SENP6: variants seen among roughly 807,000 people sequenced by gnomAD.
SENP6 encodes SUMO specific peptidase 6, also known as sentrin-specific protease 6.
SENP6 carries 41 observed loss-of-function variants against 134.5 expected under a neutral mutation model. The ratio of observed to expected loss-of-function variants is 0.30; its 90% CI spans 0.24 to 0.40. The LOEUF (loss-of-function observed/expected upper bound fraction) is 0.40. Among genes scored for constraint, SENP6 ranks in the 10% least tolerant of loss-of-function variants. The pLI is 1.00. For synonymous variants in SENP6, 395 were observed against 429.8 expected (o/e 0.92, Z 1.00); for missense variants, 1,248 against 1,312.5 (o/e 0.95, Z 0.76).
chr6:75,673,560 G>A (rs974901826), intron 11 of SENP6, among the ~76,000 whole-genome samples: 9 of 151,436 alleles, frequency 5.9e-5, no homozygotes, highest in Non-Finnish European at 1.2e-4. Context: ...CTGACCTCAG[G>A]TGATCCACCT....
In SENP6 at chr6:75,693,720, A is replaced by G. The variant is rs573250458; in HGVS notation, c.2076-2084A>G. On this transcript the variant is annotated intron_variant, in intron 16 of 23. Transcript: ENST00000447266. Reference sequence around the variant, plus strand: ...GTGATAAAAGTAACAGATCTCAAGAATGTGCCCTCTAGGGGGCCAGATGTT... The same window carrying G: ...GTGATAAAAGTAACAGATCTCAAGAGTGTGCCCTCTAGGGGGCCAGATGTT... Among the ~76,000 whole-genome samples the G allele has an allele frequency of 3.9e-5, 6 of 152,306 alleles. No homozygotes were observed. In the East Asian group the frequency reaches 1.2e-3, roughly 29 times the overall value.
At chr6:75,621,465 G>A in intron 1 of SENP6, 67 bp from the exon 2 acceptor site, 1 of 928,832 alleles carries the variant, frequency 1.1e-6, no homozygotes, top group Admixed American at 2.4e-5. Context: ...CTTGGGAAAT[G>A]CACATATTTG....
In SENP6 at chr6:75,695,930, C is replaced by T. The variant is rs1319810143; in HGVS notation, c.2195+7C>T. 1 of 1,577,264 alleles carries T rather than the reference C, an allele frequency of 6.3e-7. No individual in the cohort carries two copies. The highest frequency in any genetic ancestry group is 8.6e-7 in the Non-Finnish European group (1 of 1,167,684). On this transcript the variant is annotated splice_region_variant and intron_variant, in intron 17 of 23. Transcript: ENST00000447266. ...ATGAAACAACTAATCTGTCGTAAGT[C>T]AAACTCTGAAAATATTTAACAGATG...
chr6:75,660,307 T>G (rs988004608), intron 8 of SENP6, among the ~76,000 whole-genome samples: 1 of 152,244 alleles, frequency 6.6e-6, no homozygotes, highest in Non-Finnish European at 1.5e-5. Flanking sequence ...GTTCTAGATT[T>G]CTTCACTGCA....
chr6:75,634,663 A>G, intron 4 of SENP6, 44 bp from the exon 5 acceptor site: 1 of 1,124,264 alleles, frequency 8.9e-7, no homozygotes, highest in Non-Finnish European at 1.3e-6. Flanking sequence ...ATGTGTATAT[A>G]ATTTTTCCGT....
rs1478269374 is a variant in SENP6, at chr6:75,682,920, A to C, written c.2075+3993A>C. Among the ~76,000 whole-genome samples, 4 of 152,264 alleles carry C rather than the reference A, an allele frequency of 2.6e-5. No homozygotes were observed. In the East Asian group the frequency reaches 7.7e-4, roughly 29 times the overall value. On this transcript the variant is annotated intron_variant, in intron 16 of 23. Coordinates refer to ENST00000447266, the MANE Select transcript of SENP6 (RefSeq NM_015571.4). ...ATTTATAATCCTTTGGGTATATACC[A>C]GGTAATGGGATTGCTGGGTCAAATG...
chr6:75,624,019 C>G, intron 3 of SENP6, 59 bp downstream of exon 3: 2 of 1,339,734 alleles, frequency 1.5e-6, no homozygotes, highest in East Asian at 2.5e-5. Context: ...ATTGTTACCT[C>G]AAAAGATTTA....
At chr6:75,692,185 T>G (rs1362536968) in intron 16 of SENP6, among the ~76,000 whole-genome samples, 2 of 152,172 alleles carry the variant, frequency 1.3e-5, no homozygotes, top group Non-Finnish European at 2.9e-5. Context: ...AAGCTTGGGT[T>G]TTCCCTTTAA....
chr6:75,701,394 A>T (rs961016492), intron 18 of SENP6, among the ~76,000 whole-genome samples: 4 of 152,042 alleles, frequency 2.6e-5, no homozygotes, highest in Non-Finnish European at 4.4e-5. Context: ...GATAGCTGGA[A>T]CTCTCTACTA....
chr6:75,707,110 G>T (rs1775452921), intron 19 of SENP6, among the ~76,000 whole-genome samples: 1 of 152,018 alleles, frequency 6.6e-6, no homozygotes, highest in Non-Finnish European at 1.5e-5. Flanking sequence ...TTTTTCTCCT[G>T]TTTTTGAAAG....
chr6:75,666,809 A>G lies in SENP6; in HGVS notation c.1092A>G (p.Ala364=). The change falls in exon 10 of 24, where the codon GCA becomes GCG. Residue 364 remains alanine (A), a synonymous_variant. Transcript: ENST00000447266. Reference sequence around the variant, plus strand: ...CTGATTCAGCATGTTCTTCCCCTGCACCATCCACTGGAAAAGTAGAAGCAG... The same window carrying G: ...CTGATTCAGCATGTTCTTCCCCTGCGCCATCCACTGGAAAAGTAGAAGCAG... ...QPADSACSSP[A]PSTGKVEAAL... 2 of 1,613,834 alleles carry G rather than the reference A, an allele frequency of 1.2e-6. No homozygotes were observed. The highest frequency in any genetic ancestry group is 1.7e-6 in the Non-Finnish European group (2 of 1,179,718).
intron 16 of SENP6, among the ~76,000 whole-genome samples, chr6:75,685,660 G>A (rs1375545940): frequency 6.6e-6 from 1 of 151,976 alleles, no homozygotes; most frequent in Non-Finnish European, 1.5e-5. Context: ...TTATTTACCC[G>A]TCATTCAGGA....
intron 16 of SENP6, among the ~76,000 whole-genome samples, chr6:75,688,976 G>A (rs895751124): frequency 6.6e-6 from 1 of 152,178 alleles, no homozygotes; most frequent in Non-Finnish European, 1.5e-5. Context: ...TGAGGCAGGA[G>A]AATCACTTGA....
At chr6:75,676,966 CT>C (rs1205192605) in intron 13 of SENP6, 63 bp from the exon 14 acceptor site, 7 of 791,420 alleles carry the variant, frequency 8.8e-6, no homozygotes, top group Non-Finnish European at 1.4e-5. Flanking sequence ...ATAATTACTC[CT>C]TTTAAAAGTA....
intron 1 of SENP6, among the ~76,000 whole-genome samples, chr6:75,619,728 C>T (rs980895631): frequency 6.6e-5 from 10 of 152,134 alleles, no homozygotes; most frequent in African/African-American, 2.4e-4. Flanking sequence ...TGCGTTCCCA[C>T]TAGCAATGCA....
intron 3 of SENP6, among the ~76,000 whole-genome samples, chr6:75,626,671 A>G (rs1768722076): frequency 6.6e-6 from 1 of 152,082 alleles, no homozygotes; most frequent in East Asian, 1.9e-4. Flanking sequence ...TGAAGTTGCT[A>G]TTTCAGAGGT....
rs1772136937 is a variant in SENP6, at chr6:75,665,562, T to C, written c.995-1150T>C. On this transcript the variant is annotated intron_variant, in intron 9 of 23. Coordinates refer to ENST00000447266, the MANE Select transcript of SENP6 (RefSeq NM_015571.4). ...GCTTTGTGGAATTAAGATATAGAGA[T>C]AGATTTGCTACGATTCAGTAATGAG... 2.0e-5 allele frequency among the ~76,000 whole-genome samples: 3 copies of C among 152,156 alleles called. No homozygotes were observed. In the South Asian group the frequency reaches 6.2e-4, roughly 31 times the overall value.
At chr6:75,702,587 G>A (rs1469257316) in intron 18 of SENP6, 58 bp from the exon 19 acceptor site, 1 of 1,415,554 alleles carries the variant, frequency 7.1e-7, no homozygotes, top group Non-Finnish European at 9.5e-7. Flanking sequence ...GATATGTATT[G>A]CCAAATATAA....
chr6:75,620,085 A>G (rs1455754188), intron 1 of SENP6, among the ~76,000 whole-genome samples: 1 of 70,906 alleles, frequency 1.4e-5, no homozygotes, highest in Non-Finnish European at 2.7e-5. Context: ...CTTGCCTCAA[A>G]AAAAAAAAAA....
Sources: allele counts gnomAD v4.1 joint callset (sites outside exome capture counted in the v4.1 genomes callset), GRCh38; gene constraint gnomAD v4.1.1; transcripts MANE v1.5; gene names NCBI Gene and HGNC (gene_info 2026-07-23, HGNC 2026-07-21).